The following NBEA variants were observed in gnomAD, a reference collection of about 807,000 sequenced individuals.
NBEA encodes lysosomal-trafficking regulator 2.
NBEA carries 44 observed loss-of-function variants against 343.4 expected under a neutral mutation model. The ratio of observed to expected loss-of-function variants is 0.13; its 90% CI spans 0.10 to 0.16. The LOEUF (loss-of-function observed/expected upper bound fraction) is 0.16. NBEA is among the 10% of genes least tolerant of loss of function. The pLI is 1.00. For missense variants in NBEA, 2,555 were observed against 3,631.3 expected (o/e 0.70, Z 7.62); for synonymous variants, 1,175 against 1,238.7 (o/e 0.95, Z 1.08).
intron 34 of NBEA, among the ~76,000 whole-genome samples, chr13:35,255,052 G>A (rs2032428541): frequency 6.6e-6 from 1 of 152,098 alleles, no homozygotes; most frequent in Non-Finnish European, 1.5e-5. Context: ...ATGCGATTTT[G>A]TTTCACAGTA....
chr13:35,479,749 G>A lies in NBEA; in HGVS notation c.6585+7213G>A, dbSNP rs769309691. 9.7e-4 allele frequency among the ~76,000 whole-genome samples: 147 copies of A among 152,126 alleles called. 1 individual carries two copies. Among genetic ancestry groups the A allele is most frequent in the Non-Finnish European group, 1.8e-3 (122 of 67,992 alleles). ...AAAAAACTCCAGTTATACCAGTCTT[G>A]CAATATTTTTTGTTGTAAATATACT... On this transcript the variant is annotated intron_variant, in intron 41 of 58. Transcript: ENST00000379939.
intron 49 of NBEA, among the ~76,000 whole-genome samples, chr13:35,638,417 C>G (rs1035935851): frequency 1.3e-5 from 2 of 152,070 alleles, no homozygotes; most frequent in Non-Finnish European, 2.9e-5. Context: ...AAGTGCTCAC[C>G]CAACAAGAGC....
intron 36 of NBEA, among the ~76,000 whole-genome samples, chr13:35,345,878 C>T (rs1187157927): frequency 6.6e-6 from 1 of 152,050 alleles, no homozygotes; most frequent in East Asian, 1.9e-4. Context: ...GTAAGGGAGA[C>T]TTGAAGATCT....
intron 47 of NBEA, among the ~76,000 whole-genome samples, chr13:35,600,192 A>G (rs979000174): frequency 2.6e-5 from 4 of 152,314 alleles, no homozygotes; most frequent in Admixed American, 6.5e-5. Flanking sequence ...TGTTCTTTGT[A>G]TCACCGATTT....
Position 35,211,108 on chromosome 13 carries a change from T to C in NBEA, c.5577T>C (p.Gly1859=), listed in dbSNP as rs1173322976. The stretch of plus-strand genomic sequence containing the variant: ...CCTCCTCTTCTAGTTTTGTGAATGG[T>C]GCTACTAGCAAAAACCTTCCAGCTG... ...SSSSSSSFVN[G]ATSKNLPAVQ... The change falls in exon 33 of 59, where the codon GGT becomes GGC. Residue 1859 remains glycine (G), a synonymous_variant. Coordinates refer to ENST00000379939, the MANE Select transcript of NBEA (RefSeq NM_001385012.1). 6.4e-6 allele frequency: 10 copies of C among 1,551,828 alleles called. No homozygotes were observed. Among genetic ancestry groups the C allele is most frequent in the African/African-American group, 1.4e-5 (1 of 73,070 alleles).
chr13:35,328,774 G>GTT (rs760322282), intron 36 of NBEA, among the ~76,000 whole-genome samples: 62 of 141,450 alleles, frequency 4.4e-4, no homozygotes, highest in African/African-American at 1.5e-3. Context: ...TTCCAGCAGG[G>GTT]TTTTTTTTTT....
At chr13:35,365,382 C>G (rs1463189386) in intron 38 of NBEA, among the ~76,000 whole-genome samples, 1 of 151,640 alleles carries the variant, frequency 6.6e-6, no homozygotes, top group African/African-American at 2.4e-5. Flanking sequence ...TGAAACTGCT[C>G]CTTGGCTTAC....
intron 33 of NBEA, among the ~76,000 whole-genome samples, chr13:35,220,567 T>G (rs1458756874): frequency 3.3e-5 from 5 of 152,200 alleles, no homozygotes; most frequent in African/African-American, 1.2e-4. Context: ...GTGTTTTATT[T>G]ATTTATTTTA....
chr13:35,051,629 T>C (rs928056108), intron 6 of NBEA, among the ~76,000 whole-genome samples: 2 of 151,998 alleles, frequency 1.3e-5, no homozygotes, highest in Non-Finnish European at 2.9e-5. Context: ...ATTATAATGG[T>C]GTATTCTTTC....
intron 41 of NBEA, among the ~76,000 whole-genome samples, chr13:35,503,741 A>T (rs537897015): frequency 6.6e-6 from 1 of 152,078 alleles, no homozygotes; most frequent in South Asian, 2.1e-4. Flanking sequence ...GTAAAATAGC[A>T]TATTGGATTA....
intron 38 of NBEA, among the ~76,000 whole-genome samples, chr13:35,360,715 T>C (rs1312884873): frequency 6.6e-6 from 1 of 151,952 alleles, no homozygotes; most frequent in East Asian, 1.9e-4. Context: ...AAATATTCAC[T>C]GGATAACCTC....
At chr13:35,030,569 G>A (rs963044006) in intron 1 of NBEA, among the ~76,000 whole-genome samples, 21 of 151,546 alleles carry the variant, frequency 1.4e-4, no homozygotes, top group African/African-American at 4.6e-4. Context: ...TCATAGGATC[G>A]TTAGAGAATT....
At chr13:35,527,142 T>C (rs1213773759) in intron 41 of NBEA, among the ~76,000 whole-genome samples, 2 of 152,130 alleles carry the variant, frequency 1.3e-5, no homozygotes, top group African/African-American at 4.8e-5. Context: ...GTCCAGCCCT[T>C]AGCAGAGAGG....
chr13:35,650,963 C>T (rs1593472416), intron 52 of NBEA, among the ~76,000 whole-genome samples: 1 of 152,222 alleles, frequency 6.6e-6, no homozygotes, highest in South Asian at 2.1e-4. Flanking sequence ...TCTAAGTGCA[C>T]CTATTTTAAG....
chr13:35,561,205 A>T (rs550807538), intron 44 of NBEA, among the ~76,000 whole-genome samples: 95 of 152,286 alleles, frequency 6.2e-4, no homozygotes, highest in Non-Finnish European at 1.1e-3. Flanking sequence ...TGAGAAAAAA[A>T]GTTTTGCTCA....
In NBEA at chr13:35,434,517, C is replaced by T. The variant is rs193299493; in HGVS notation, c.6304+2124C>T. Among the ~76,000 whole-genome samples the T allele has an allele frequency of 2.6e-3, 401 of 152,244 alleles. 3 individuals carry two copies. Among genetic ancestry groups the T allele is most frequent in the Admixed American group, 0.018 (278 of 15,292 alleles). ...CTACACAGTAAAATATTCAGGGAAT[C>T]GACATGGTACTATTGGAGTTACTCC... On this transcript the variant is annotated intron_variant, in intron 39 of 58. Coordinates refer to ENST00000379939, the MANE Select transcript of NBEA (RefSeq NM_001385012.1).
At chr13:35,612,701 G>A (rs2082580073) in intron 48 of NBEA, among the ~76,000 whole-genome samples, 1 of 152,096 alleles carries the variant, frequency 6.6e-6, no homozygotes, top group Non-Finnish European at 1.5e-5. Flanking sequence ...TTTTTTGAAT[G>A]TAGGAAAAGC....
At chr13:35,449,512 A>G (rs946813364) in intron 39 of NBEA, among the ~76,000 whole-genome samples, 4 of 152,250 alleles carry the variant, frequency 2.6e-5, no homozygotes, top group African/African-American at 7.2e-5. Flanking sequence ...GTCCAGAAAT[A>G]TAGCTGAGAA....
At chr13:35,040,306 T>C (rs2062602811) in intron 1 of NBEA, among the ~76,000 whole-genome samples, 1 of 152,160 alleles carries the variant, frequency 6.6e-6, no homozygotes, top group Admixed American at 6.6e-5. Flanking sequence ...TGGACTCATT[T>C]GCCATAATGC....
Sources: allele counts gnomAD v4.1 joint callset (sites outside exome capture counted in the v4.1 genomes callset), GRCh38; gene constraint gnomAD v4.1.1; transcripts MANE v1.5; gene names NCBI Gene and HGNC (gene_info 2026-07-23, HGNC 2026-07-21).